Variants in PAOX observed in about 807,000 individuals in gnomAD.
PAOX encodes the protein polyamine oxidase.
Under a neutral mutation model 39.0 loss-of-function variants are expected in PAOX, and 38 were observed. The ratio of observed to expected loss-of-function variants is 0.97; its 90% CI spans 0.75 to 1.28. The LOEUF (loss-of-function observed/expected upper bound fraction) is 1.28, where lower values mean the gene tolerates loss of function less well. Among genes scored for constraint, PAOX ranks in the 50% most tolerant of loss-of-function variants. The pLI, the probability that PAOX is intolerant of heterozygous loss-of-function variation, is 0.00. For synonymous variants in PAOX, 311 were observed against 314.4 expected, an observed-to-expected ratio of 0.99 and a Z score of 0.11; for missense variants, 667 against 685.7, an observed-to-expected ratio of 0.97 and a Z score of 0.30.
At chr10:133,388,602 G>A (rs1003380750) in intron 4 of PAOX, among the ~76,000 whole-genome samples, 3 of 152,320 alleles carry the variant, frequency 2.0e-5, no homozygotes, top group Admixed American at 6.5e-5. Flanking sequence ...TGCAAATGTC[G>A]GCGTGGTGGA....
At chr10:133,385,906 A>T (rs1182455640) in intron 4 of PAOX, among the ~76,000 whole-genome samples, 2 of 151,884 alleles carry the variant, frequency 1.3e-5, no homozygotes, top group Non-Finnish European at 2.9e-5. Flanking sequence ...TTAAATTATT[A>T]TTTGAGATGA....
chr10:133,389,066 C>T lies in PAOX; in HGVS notation c.1232C>T (p.Thr411Ile). The change falls in exon 5 of 7, where the codon ACA becomes ATA. Residue 411 changes from threonine (T) to isoleucine (I), a missense_variant and splice_region_variant. Transcript: ENST00000278060. ...LCLTQVLRRV[T>I]GNPRLPAPKS... ...CTCACCCAAGTGCTCCGGAGAGTGA[C>T]AGGTAGGTACTCACCACACACGCTG... 1 of 1,607,224 alleles carries T rather than the reference C, an allele frequency of 6.2e-7. No individual in the cohort carries two copies. The highest frequency in any genetic ancestry group is 8.5e-7 in the Non-Finnish European group (1 of 1,173,772).
intron 3 of PAOX, among the ~76,000 whole-genome samples, chr10:133,383,196 G>T (rs994572554): frequency 4.6e-5 from 7 of 152,132 alleles, no homozygotes; most frequent in African/African-American, 1.7e-4. Flanking sequence ...AAAAAAAAAG[G>T]AGCGGGTTAA....
At chr10:133,387,330 ACATTT>A (rs1849554519) in intron 4 of PAOX, among the ~76,000 whole-genome samples, 1 of 152,222 alleles carries the variant, frequency 6.6e-6, no homozygotes, top group African/African-American at 2.4e-5. Flanking sequence ...AAATGTTGAT[ACATTT>A]CATTATACAA....
intron 6 of PAOX, 126 bp from the exon 7 acceptor site, chr10:133,391,186 T>C: frequency 1.1e-6 from 1 of 937,106 alleles, no homozygotes; most frequent in Admixed American, 1.8e-5. Context: ...TCTCGTCCGT[T>C]GGTGGAGGTG....
intron 3 of PAOX, among the ~76,000 whole-genome samples, chr10:133,383,553 A>G (rs1174345384): frequency 1.3e-5 from 2 of 151,398 alleles, no homozygotes; most frequent in Non-Finnish European, 2.9e-5. Flanking sequence ...CAGTGAGCCA[A>G]GATGGCATCG....
intron 4 of PAOX, among the ~76,000 whole-genome samples, chr10:133,386,138 C>T (rs1274168436): frequency 4.0e-5 from 6 of 151,704 alleles, no homozygotes; most frequent in Non-Finnish European, 7.4e-5. Flanking sequence ...GATTTTCCTG[C>T]CTCAGCCTCC....
chr10:133,388,890 G>A (rs1849593976), intron 4 of PAOX, 66 bp from the exon 5 acceptor site: 2 of 694,846 alleles, frequency 2.9e-6, no homozygotes, highest in African/African-American at 1.8e-5. Flanking sequence ...ATGCAGGTCT[G>A]GTCATCCCAG....
chr10:133,384,062 T>G lies in PAOX; in HGVS notation c.971T>G (p.Phe324Cys). The part of the protein sequence containing the change: ...KIGFGTNNKI[F>C]LEFEEPFWEP... ...GGCTTTGGGACCAACAACAAAATCT[T>G]CCTGGAGTTTGAGGAGCCCTTCTGG... is the stretch of plus-strand genomic sequence containing the variant. The change falls in exon 4 of 7, where the codon TTC (phenylalanine) becomes TGC (cysteine). Residue 324 changes from phenylalanine (F) to cysteine (C), a missense_variant. Transcript: ENST00000278060. This position sits in a 1 kb window ranked among gnomAD's most constrained non-coding sequence, Gnocchi z 4.3. The G allele has an allele frequency of 6.2e-7, 1 of 1,614,130 alleles. No individual in the cohort carries two copies. The highest frequency in any genetic ancestry group is 1.1e-5 in the South Asian group (1 of 91,082).
At chr10:133,386,646 G>A (rs949765218) in intron 4 of PAOX, among the ~76,000 whole-genome samples, 3 of 151,726 alleles carry the variant, frequency 2.0e-5, no homozygotes, top group Non-Finnish European at 4.4e-5. Context: ...GGCTAATTTA[G>A]TATTTTTAGC....
At chr10:133,386,922 T>A (rs1849544989) in intron 4 of PAOX, among the ~76,000 whole-genome samples, 4 of 152,240 alleles carry the variant, frequency 2.6e-5, no homozygotes, top group African/African-American at 9.6e-5. Context: ...TCTGTGACAC[T>A]GAAATCTATT....
intron 4 of PAOX, among the ~76,000 whole-genome samples, chr10:133,385,652 T>G (rs1025746957): frequency 6.6e-6 from 1 of 152,178 alleles, no homozygotes; most frequent in Non-Finnish European, 1.5e-5. Context: ...GGTGCAATCT[T>G]GGCTCACTGC....
At chr10:133,382,566 G>A (rs1373832176) in intron 3 of PAOX, among the ~76,000 whole-genome samples, 2 of 152,178 alleles carry the variant, frequency 1.3e-5, no homozygotes, top group African/African-American at 4.8e-5. Flanking sequence ...CGGATCACCT[G>A]AGGTCAGGAG....
chr10:133,391,462 C>T lies in PAOX; in HGVS notation c.*7C>T, dbSNP rs903635498. ...GCCCAGGCCCAGGCTCTAGCTGGGC[C>T]CAGCCTACTCTGTTCCACCCGTGTC... is the stretch of plus-strand genomic sequence containing the variant. On this transcript the variant is annotated 3_prime_UTR_variant, in exon 7 of 7. Coordinates refer to ENST00000278060, the MANE Select transcript of PAOX (RefSeq NM_152911.4). 1.9e-6 allele frequency: 3 copies of T among 1,609,618 alleles called. No individual in the cohort carries two copies. Among genetic ancestry groups the T allele is most frequent in the Non-Finnish European group, 2.5e-6 (3 of 1,178,152 alleles).
Position 133,380,342 on chromosome 10 carries a change from G to A in PAOX, c.525G>A (p.Glu175=). Residue 175 remains glutamate, a synonymous_variant, in exon 2 of 7, where the codon GAG becomes GAA. Coordinates refer to ENST00000278060, the MANE Select transcript of PAOX (RefSeq NM_152911.4). Reference sequence around the variant, plus strand: ...TGGCCGGCTGGACAGAGGATGAGGAGACCAGGAAGCTGAAGCTGGCCGTCC... The same window carrying A: ...TGGCCGGCTGGACAGAGGATGAGGAAACCAGGAAGCTGAAGCTGGCCGTCC... ...QHVAGWTEDE[E]TRKLKLAVLN... is the part of the protein sequence containing the mutation. The A allele has an allele frequency of 6.2e-7, 1 of 1,612,934 alleles. No individual in the cohort carries two copies. Among genetic ancestry groups the A allele is most frequent in the Non-Finnish European group, 8.5e-7 (1 of 1,180,042 alleles).
intron 4 of PAOX, among the ~76,000 whole-genome samples, chr10:133,386,496 T>C (rs1045777495): frequency 6.6e-6 from 1 of 152,044 alleles, no homozygotes; most frequent in Non-Finnish European, 1.5e-5. Flanking sequence ...ATTTATGAGA[T>C]GGAGTTTTGC....
chr10:133,391,476 T>G lies in PAOX; in HGVS notation c.*21T>G, dbSNP rs1411339260. On this transcript the variant is annotated 3_prime_UTR_variant, in exon 7 of 7. Coordinates refer to ENST00000278060, the MANE Select transcript of PAOX (RefSeq NM_152911.4). Reference sequence around the variant, plus strand: ...TCTAGCTGGGCCCAGCCTACTCTGTTCCACCCGTGTCGGGGGTAGGCTGGG... The same window carrying G: ...TCTAGCTGGGCCCAGCCTACTCTGTGCCACCCGTGTCGGGGGTAGGCTGGG... The G allele has an allele frequency of 6.3e-7, 1 of 1,593,032 alleles. No individual in the cohort carries two copies. The highest frequency in any genetic ancestry group is 8.6e-7 in the Non-Finnish European group (1 of 1,169,094).
At chr10:133,383,491 T>C (rs1452763489) in intron 3 of PAOX, among the ~76,000 whole-genome samples, 5 of 150,940 alleles carry the variant, frequency 3.3e-5, no homozygotes, top group Non-Finnish European at 1.5e-5. Flanking sequence ...TAATCCCAGC[T>C]ATTTGGGAAG....
At position 133,381,578 on chromosome 10, in the gene PAOX, G is replaced by C. The variant is rs767895620; in HGVS notation, c.787G>C (p.Gly263Arg). 12 of 1,613,666 alleles carry C rather than the reference G, an allele frequency of 7.4e-6. No individual in the cohort carries two copies. Among genetic ancestry groups the C allele is most frequent in the South Asian group, 1.1e-5 (1 of 91,090 alleles). The change falls in exon 3 of 7, where the codon GGG becomes CGG. Residue 263 changes from glycine (G) to arginine (R), a missense_variant. Transcript: ENST00000278060. ...GTCCTTCCAGGAGGCAGCCTTTCCC[G>C]GGGAGACCTTTCCAGTGTCGGTAGA... ...NGSFQEAAFP[G>R]ETFPVSVECE...
Sources: gnomAD v4.1 joint callset for allele counts (sites outside exome capture counted in the v4.1 genomes callset) on GRCh38, gnomAD v4.1.1 for gene constraint, Gnocchi (gnomAD v3.1) non-coding constraint, MANE v1.5 for transcripts, NCBI Gene and HGNC (gene_info 2026-07-23, HGNC 2026-07-21) for gene names.